The following WDR64 variants were observed in gnomAD, a reference collection of about 807,000 sequenced individuals.
WDR64 encodes WD repeat domain 64, also known as WD repeat-containing protein 64.
A neutral mutation model predicts 139.3 loss-of-function variants in WDR64; 112 were observed. The ratio of observed to expected loss-of-function variants is 0.80; its 90% confidence interval spans 0.69 to 0.94. The LOEUF (loss-of-function observed/expected upper bound fraction) is 0.94, where lower values mean the gene tolerates loss of function less well. Ranked by LOEUF, WDR64 falls within the 40% of genes least tolerant of loss-of-function variation. The probability of loss-of-function intolerance (pLI) is 0.00; values close to 1 mark genes in which losing one functional copy is unlikely to be tolerated. For missense variants in WDR64, 1,206 were observed against 1,293.1 expected, an observed-to-expected ratio of 0.93 and a Z score of 1.03; for synonymous variants, 444 against 437.7, an observed-to-expected ratio of 1.01 and a Z score of -0.18.
intron 2 of WDR64, among the ~76,000 whole-genome samples, chr1:241,666,157 A>AAT (rs1224108763): frequency 6.6e-5 from 10 of 152,116 alleles, no homozygotes; most frequent in South Asian, 6.2e-4. Context: ...TAATAGTCAT[A>AAT]ATATATATAT....
Position 241,802,235 on chromosome 1 carries a change from G to C in WDR64, c.*1020G>C. ...CAATTAAAGGGAATAAAATGCTAAT[G>C]CATGCATTAACATAGACCAATCTCA... On this transcript the variant is annotated 3_prime_UTR_variant, in exon 28 of 28. Coordinates refer to ENST00000437684, the MANE Select transcript of WDR64 (RefSeq NM_001367482.1). The C allele has an allele frequency of 2.5e-6, 1 of 394,190 alleles. No individual in the cohort carries two copies. The highest frequency in any genetic ancestry group is 3.6e-5 in the East Asian group (1 of 27,580). 24.4% of individuals were successfully genotyped at this position (394,190 alleles called of 1,614,324 possible). A position where few individuals can be genotyped will look rare whatever the true frequency, so the allele number is the denominator to read the frequency against.
chr1:241,653,861 T>C (rs541732624), intron 1 of WDR64, among the ~76,000 whole-genome samples: 1 of 152,282 alleles, frequency 6.6e-6, no homozygotes, highest in South Asian at 2.1e-4. Context: ...ACCCAACTTC[T>C]AAGTGTTAAA....
At chr1:241,706,204 T>A (rs1235549967) in intron 8 of WDR64, among the ~76,000 whole-genome samples, 1 of 152,146 alleles carries the variant, frequency 6.6e-6, no homozygotes, top group East Asian at 1.9e-4. Flanking sequence ...TGCCTAAGGA[T>A]CAGGTCGACC....
intron 10 of WDR64, among the ~76,000 whole-genome samples, chr1:241,733,584 T>C (rs1006208703): frequency 2.6e-5 from 4 of 151,080 alleles, no homozygotes; most frequent in South Asian, 2.1e-4. Context: ...ATAATTCATA[T>C]ATTATACATA....
chr1:241,781,505 C>T lies in WDR64; in HGVS notation c.2595+1443C>T, dbSNP rs145563038. On this transcript the variant is annotated intron_variant, in intron 22 of 27. Transcript: ENST00000437684. ...TATAGATTACAACTGCAATGAATAC[C>T]TAATAGGTCAGTCTAGAAAAAAAGG... Among the ~76,000 whole-genome samples the T allele has an allele frequency of 3.0e-3, 454 of 152,236 alleles. 1 individual carries two copies. The highest frequency in any genetic ancestry group is 0.011 in the African/African-American group (444 of 41,528).
At position 241,795,239 on chromosome 1, in the gene WDR64, T is replaced by C. The variant is rs1659329802; in HGVS notation, c.3030T>C (p.Thr1010=). ...IRRYPLEGFV[T]ENREAGIVFG... ...GATATCCCTTGGAAGGTTTCGTGAC[T>C]GAAAACAGAGAGGCAGGGATTGTTT... The change falls in exon 26 of 28, where the codon ACT becomes ACC. Residue 1010 remains threonine (T), a synonymous_variant. Coordinates refer to ENST00000437684, the MANE Select transcript of WDR64 (RefSeq NM_001367482.1). 2 of 1,614,014 alleles carry C rather than the reference T, an allele frequency of 1.2e-6. No individual in the cohort carries two copies. The highest frequency in any genetic ancestry group is 1.6e-4 in the Middle Eastern group (1 of 6,062).
chr1:241,757,649 GTTT>G (rs35256499), intron 15 of WDR64, among the ~76,000 whole-genome samples, 190 bp downstream of exon 15: 339 of 95,228 alleles, frequency 3.6e-3, no homozygotes, highest in African/African-American at 8.1e-3. Flanking sequence ...CAATGGATTT[GTTT>G]TTTTTTTTTT....
chr1:241,784,559 G>C (rs534349984), intron 23 of WDR64, among the ~76,000 whole-genome samples: 2 of 152,270 alleles, frequency 1.3e-5, no homozygotes, highest in African/African-American at 2.4e-5. Context: ...AAAATGTTTA[G>C]AATGTGGAAG....
chr1:241,677,655 C>T (rs890163951), intron 4 of WDR64, among the ~76,000 whole-genome samples: 1 of 152,112 alleles, frequency 6.6e-6, no homozygotes, highest in African/African-American at 2.4e-5. Context: ...GGTATAGTAC[C>T]CAATGCATGA....
intron 20 of WDR64, 58 bp downstream of exon 20, chr1:241,772,989 T>C: frequency 6.0e-6 from 9 of 1,499,152 alleles, no homozygotes; most frequent in Non-Finnish European, 8.0e-6. Context: ...AAAAGAATCA[T>C]TAAATGAATC....
intron 8 of WDR64, among the ~76,000 whole-genome samples, chr1:241,705,473 C>T (rs1308318265): frequency 2.0e-5 from 3 of 150,850 alleles, no homozygotes; most frequent in African/African-American, 4.9e-5. Flanking sequence ...ACCCGGGAGG[C>T]GGAGCTTGCA....
rs1013741946 is a variant in WDR64, at chr1:241,720,221, G to C, written c.1055-3076G>C. ...TCTATCATCGATGGGTGTTTGGGTTGATTCCATGTCTTTGCTATTGTGAAT... is the reference window on the plus strand; with the variant it reads ...TCTATCATCGATGGGTGTTTGGGTTCATTCCATGTCTTTGCTATTGTGAAT... On this transcript the variant is annotated intron_variant, in intron 9 of 27. Transcript: ENST00000437684. Among the ~76,000 whole-genome samples, 18 of 152,152 alleles carry C rather than the reference G, an allele frequency of 1.2e-4. No individual in the cohort carries two copies. The South Asian group carries it at 1.2e-3, about 11-fold the overall frequency.
At chr1:241,787,723 G>A in intron 23 of WDR64, 126 bp from the exon 24 acceptor site, 1 of 752,996 alleles carries the variant, frequency 1.3e-6, no homozygotes, top group South Asian at 2.3e-5. Flanking sequence ...CATAGAAAGG[G>A]TCTTGAACCC....
At chr1:241,775,434 C>A (rs1454633688) in intron 21 of WDR64, among the ~76,000 whole-genome samples, 2 of 152,128 alleles carry the variant, frequency 1.3e-5, no homozygotes, top group African/African-American at 4.8e-5. Context: ...CAAGGCATTG[C>A]CCTCCTTCTG....
rs969241282 is a variant in WDR64 at position 241,683,554 on chromosome 1, A to C, written c.692A>C (p.Asp231Ala). ...LLCVCVVPLP[D>A]HLCRDDILLG... is the part of the protein sequence containing the mutation. ...TGTGTGTGTGTGGTGCCTTTGCCTG[A>C]CCATCTCTGCCGAGATGACATCCTC... Residue 231 changes from aspartate to alanine, a missense_variant, in exon 7 of 28, where the codon GAC (aspartate) becomes GCC (alanine). By Grantham distance (126) the Asp-to-Ala change is moderately radical. Transcript: ENST00000437684. 6.4e-7 allele frequency: 1 copy of C among 1,551,774 alleles called. No homozygotes were observed. Among genetic ancestry groups the C allele is most frequent in the Non-Finnish European group, 8.7e-7 (1 of 1,147,000 alleles).
At chr1:241,660,798 T>A in intron 2 of WDR64, 138 bp downstream of exon 2, 1 of 886,366 alleles carries the variant, frequency 1.1e-6, no homozygotes, top group Non-Finnish European at 1.7e-6. Context: ...CTACACCCAT[T>A]AGGACATGGC....
intron 8 of WDR64, among the ~76,000 whole-genome samples, chr1:241,706,008 A>G (rs1667939934): frequency 6.7e-6 from 1 of 150,126 alleles, no homozygotes; most frequent in Non-Finnish European, 1.5e-5. Flanking sequence ...ATTATTTTTC[A>G]TATACTTTTA....
In WDR64 at chr1:241,743,035, C is replaced by T. The variant is rs149942582; in HGVS notation, c.1471-1358C>T. Among the ~76,000 whole-genome samples, 38 of 152,264 alleles carry T rather than the reference C, an allele frequency of 2.5e-4. No individual in the cohort carries two copies. In the East Asian group the frequency reaches 4.2e-3, roughly 17 times the overall value. ...CCTCTCAGTCTCTGACTTCTGTGAT[C>T]GTTTGCTGGAGATTTTCTCAAGTGA... is the stretch of plus-strand genomic sequence containing the variant. On this transcript the variant is annotated intron_variant, in intron 12 of 27. Transcript: ENST00000437684.
intron 14 of WDR64, among the ~76,000 whole-genome samples, chr1:241,753,448 A>T (rs1670051891): frequency 6.6e-6 from 1 of 152,210 alleles, no homozygotes; most frequent in Non-Finnish European, 1.5e-5. Context: ...TCACGCCTGT[A>T]ATCTCAGCAG....
Sources: gnomAD v4.1 joint callset for allele counts (sites outside exome capture counted in the v4.1 genomes callset) on GRCh38, gnomAD v4.1.1 for gene constraint, MANE v1.5 for transcripts, NCBI Gene and HGNC (gene_info 2026-07-23, HGNC 2026-07-21) for gene names.